The following NRXN3 variants were observed in gnomAD, a reference collection of about 807,000 sequenced individuals.
NRXN3 encodes neurexin III.
A neutral mutation model predicts 137.6 loss-of-function variants in NRXN3; 32 were observed. That is an observed-to-expected ratio of 0.23 (90% CI 0.18 to 0.31). The LOEUF is 0.31. Ranked by LOEUF, NRXN3 falls within the 10% of genes least tolerant of loss-of-function variation. The probability of loss-of-function intolerance (pLI) is 1.00; values close to 1 mark genes in which losing one functional copy is unlikely to be tolerated. For missense variants in NRXN3, 1,574 were observed against 2,062.5 expected, an observed-to-expected ratio of 0.76 and a Z score of 4.59; for synonymous variants, 798 against 784.5, an observed-to-expected ratio of 1.02 and a Z score of -0.29.
At chr14:79,329,029 A>AG (rs142867145) in intron 15 of NRXN3, among the ~76,000 whole-genome samples, 1,989 of 152,290 alleles carry the variant, frequency 0.013, 52 homozygotes, top group African/African-American at 0.045. Flanking sequence ...GGCTATAATT[A>AG]GGTTCCTTAG....
In NRXN3 at chr14:78,184,237, A is replaced by G. The variant is rs1279483734; in HGVS notation, c.-704+13563A>G. On this transcript the variant is annotated intron_variant, in intron 1 of 20. Transcript: ENST00000335750. ...TTAGAGGAGTTCATTCACTCATTTAACAAGTACTAATTGAGCGCCCGCTCG... is the reference window on the plus strand; with the variant it reads ...TTAGAGGAGTTCATTCACTCATTTAGCAAGTACTAATTGAGCGCCCGCTCG... Among the ~76,000 whole-genome samples, 3 of 152,244 alleles carry G rather than the reference A, an allele frequency of 2.0e-5. No homozygotes were observed. In the South Asian group the frequency reaches 6.2e-4, roughly 31 times the overall value.
intron 15 of NRXN3, among the ~76,000 whole-genome samples, chr14:79,015,770 G>A (rs373316606): frequency 1.3e-5 from 2 of 152,182 alleles, no homozygotes; most frequent in East Asian, 1.9e-4. Flanking sequence ...GCTTAAGCAC[G>A]TTTAAACACA....
chr14:79,280,514 C>T, intron 15 of NRXN3: 1 of 1,612,894 alleles, frequency 6.2e-7, no homozygotes, highest in Non-Finnish European at 8.5e-7. Flanking sequence ...CTATCGTTCC[C>T]CTGTTTCCCT....
intron 4 of NRXN3, among the ~76,000 whole-genome samples, chr14:78,333,981 G>A (rs576316738): frequency 5.9e-5 from 9 of 152,230 alleles, no homozygotes; most frequent in Admixed American, 5.2e-4. Context: ...TGTTTGGAAG[G>A]TAGAGCCAGC....
chr14:79,065,925 G>A (rs1222188771), intron 15 of NRXN3, among the ~76,000 whole-genome samples: 3 of 152,106 alleles, frequency 2.0e-5, no homozygotes, highest in East Asian at 1.9e-4. Context: ...ATTAAGCCTG[G>A]CATCCATTAG....
intron 8 of NRXN3, among the ~76,000 whole-genome samples, chr14:78,795,434 C>T (rs192580619): frequency 6.6e-6 from 1 of 152,188 alleles, no homozygotes; most frequent in African/African-American, 2.4e-5. Flanking sequence ...GATAGTTTTC[C>T]TCTTACTGGT....
intron 4 of NRXN3, among the ~76,000 whole-genome samples, chr14:78,326,198 G>T (rs114462655): frequency 0.029 from 4,438 of 152,204 alleles, 215 homozygotes; most frequent in African/African-American, 0.1. Context: ...ATCAAAGTTG[G>T]GGAAGTGTGT....
chr14:79,829,258 C>T (rs1289568608), intron 20 of NRXN3, among the ~76,000 whole-genome samples: 1 of 152,140 alleles, frequency 6.6e-6, no homozygotes, highest in African/African-American at 2.4e-5. Context: ...ACACTTTCTC[C>T]AGAAAGGAAA....
chr14:79,780,709 T>G (rs927692173), intron 19 of NRXN3, among the ~76,000 whole-genome samples: 1 of 152,158 alleles, frequency 6.6e-6, no homozygotes, highest in African/African-American at 2.4e-5. Context: ...TAAAATAAAT[T>G]TTCTAATCAA....
At chr14:79,576,299 C>G (rs1373004319) in intron 16 of NRXN3, among the ~76,000 whole-genome samples, 1 of 152,084 alleles carries the variant, frequency 6.6e-6, no homozygotes, top group African/African-American at 2.4e-5. Flanking sequence ...TATTCTTTCC[C>G]TTTCAGTTAC....
At chr14:78,798,483 C>T (rs764024041) in intron 8 of NRXN3, among the ~76,000 whole-genome samples, 20 of 152,236 alleles carry the variant, frequency 1.3e-4, no homozygotes, top group Non-Finnish European at 2.5e-4. Flanking sequence ...TGGCAGCTTT[C>T]ATGGGCTGGT....
intron 15 of NRXN3, among the ~76,000 whole-genome samples, chr14:79,176,836 C>T (rs905127391): frequency 2.6e-5 from 4 of 152,178 alleles, no homozygotes; most frequent in Non-Finnish European, 5.9e-5. Context: ...TGACTCTTCA[C>T]CCATCAGAAA....
At chr14:79,597,656 C>T (rs2097873028) in intron 16 of NRXN3, among the ~76,000 whole-genome samples, 1 of 152,110 alleles carries the variant, frequency 6.6e-6, no homozygotes, top group African/African-American at 2.4e-5. Flanking sequence ...CCATTACCTC[C>T]TTATCTTCCT....
intron 20 of NRXN3, among the ~76,000 whole-genome samples, chr14:79,814,006 C>T (rs188592692): frequency 5.1e-4 from 78 of 152,274 alleles, no homozygotes; most frequent in East Asian, 1.9e-3. Flanking sequence ...AGTTTTGTAG[C>T]GCATCAACTA....
intron 16 of NRXN3, among the ~76,000 whole-genome samples, chr14:79,505,256 G>A (rs1266593737): frequency 6.6e-6 from 1 of 150,562 alleles, no homozygotes; most frequent in African/African-American, 2.4e-5. Flanking sequence ...GGTAGACCAC[G>A]TGTGCTGTTA....
intron 8 of NRXN3, among the ~76,000 whole-genome samples, chr14:78,784,586 A>G (rs971453696): frequency 2.0e-5 from 3 of 152,200 alleles, no homozygotes; most frequent in Non-Finnish European, 4.4e-5. Context: ...CCAGCCAAGG[A>G]GTATGAAGTT....
chr14:78,224,400 T>C (rs1160603469), intron 1 of NRXN3, among the ~76,000 whole-genome samples: 3 of 152,080 alleles, frequency 2.0e-5, no homozygotes, highest in Admixed American at 1.3e-4. Context: ...GCATTAGGTA[T>C]ATCTCCTAAT....
At chr14:79,545,124 C>T (rs1163469631) in intron 16 of NRXN3, among the ~76,000 whole-genome samples, 1 of 152,150 alleles carries the variant, frequency 6.6e-6, no homozygotes, top group Non-Finnish European at 1.5e-5. Flanking sequence ...TTTCAAGCCC[C>T]ATTGATTTCT....
chr14:79,249,844 C>T (rs1282451761), intron 15 of NRXN3, among the ~76,000 whole-genome samples: 1 of 152,166 alleles, frequency 6.6e-6, no homozygotes, highest in Non-Finnish European at 1.5e-5. Flanking sequence ...GTGTACCTGC[C>T]TAGCAGCAGA....
Sources: gnomAD v4.1 joint callset for allele counts (sites outside exome capture counted in the v4.1 genomes callset) on GRCh38, gnomAD v4.1.1 for gene constraint, MANE v1.5 for transcripts, NCBI Gene and HGNC (gene_info 2026-07-23, HGNC 2026-07-21) for gene names.